Variants in SMC5 observed in about 807,000 individuals in gnomAD.
The protein encoded by SMC5 is structural maintenance of chromosomes protein 5.
In SMC5, 88 loss-of-function variants were observed where a neutral mutation model predicts 148.3. That is an observed-to-expected ratio of 0.59 (90% CI 0.50 to 0.71). The LOEUF (loss-of-function observed/expected upper bound fraction) is 0.71, where lower values mean the gene tolerates loss of function less well. Ranked by LOEUF, SMC5 falls within the 30% of genes least tolerant of loss-of-function variation. The probability of loss-of-function intolerance (pLI) is 0.00; values close to 1 mark genes in which losing one functional copy is unlikely to be tolerated. For synonymous variants in SMC5, 421 were observed against 432.8 expected, an observed-to-expected ratio of 0.97 and a Z score of 0.34; for missense variants, 1,142 against 1,298.9, an observed-to-expected ratio of 0.88 and a Z score of 1.86.
intron 13 of SMC5, among the ~76,000 whole-genome samples, chr9:70,318,241 A>G (rs1312514798): frequency 6.6e-6 from 1 of 152,106 alleles, no homozygotes; most frequent in South Asian, 2.1e-4. Flanking sequence ...TTTTTTAATT[A>G]ACCAGGCGTG....
chr9:70,331,934 G>C (rs1327822844), intron 17 of SMC5, among the ~76,000 whole-genome samples: 1 of 151,926 alleles, frequency 6.6e-6, no homozygotes, highest in African/African-American at 2.4e-5. Flanking sequence ...CTTACTGCTT[G>C]GAAAGAGTTT....
chr9:70,342,217 C>T (rs992793099), intron 17 of SMC5, among the ~76,000 whole-genome samples: 1 of 131,292 alleles, frequency 7.6e-6, no homozygotes, highest in South Asian at 2.5e-4. Flanking sequence ...GGAAGGGGAA[C>T]ATCACAGTCT....
chr9:70,335,536 T>A (rs143321800), intron 17 of SMC5, among the ~76,000 whole-genome samples: 268 of 152,126 alleles, frequency 1.8e-3, no homozygotes, highest in African/African-American at 5.8e-3. Flanking sequence ...CAGCAACACC[T>A]GAATGATTAA....
rs144726260 is a variant in SMC5 at position 70,296,036 on chromosome 9, G to A, written c.1054-1930G>A. Among the ~76,000 whole-genome samples, 597 of 152,190 alleles carry A rather than the reference G, an allele frequency of 3.9e-3. 3 individuals are homozygous for A. Among genetic ancestry groups the A allele is most frequent in the African/African-American group, 0.013 (552 of 41,514 alleles). ...GATATATTTTCTCTTGCTTCTGTATGTTTGGTTATAGGAGAGAGGATTTGG... is the reference window on the plus strand; with the variant it reads ...GATATATTTTCTCTTGCTTCTGTATATTTGGTTATAGGAGAGAGGATTTGG... On this transcript the variant is annotated intron_variant, in intron 8 of 24. Coordinates refer to ENST00000361138, the MANE Select transcript of SMC5 (RefSeq NM_015110.4).
At chr9:70,278,656 T>C (rs758826377) in intron 5 of SMC5, 31 bp downstream of exon 5, 3 of 1,572,930 alleles carry the variant, frequency 1.9e-6, no homozygotes, top group East Asian at 2.3e-5. Context: ...ATTTGTATTG[T>C]TTCTTATTGA....
chr9:70,264,323 G>A lies in SMC5; in HGVS notation c.205G>A (p.Val69Ile), dbSNP rs1426164459. Reference sequence around the variant, plus strand: ...ATTCAGAACATATGATATTTGTGAAGTATCTCCTGGACCCCACTTGAATAT... The same window carrying A: ...ATTCAGAACATATGATATTTGTGAAATATCTCCTGGACCCCACTTGAATAT... ...ENFLTYDICEVSPGPHLNMIV... is the reference protein window; with the variant it reads ...ENFLTYDICEISPGPHLNMIV... Residue 69 changes from valine (V) to isoleucine (I), a missense_variant, in exon 2 of 25, where the codon GTA becomes ATA. By Grantham distance (29) the Val-to-Ile change is conservative. Around this residue, in one of 5 missense-constraint regions of SMC5, gnomAD observed 297 missense variants for 302.6 expected, o/e 0.98. Transcript: ENST00000361138. The A allele has an allele frequency of 1.2e-6, 2 of 1,613,284 alleles. No homozygotes were observed. The highest frequency in any genetic ancestry group is 1.1e-5 in the South Asian group (1 of 90,932).
intron 3 of SMC5, among the ~76,000 whole-genome samples, chr9:70,271,444 C>G (rs1362623751): frequency 6.6e-6 from 1 of 152,154 alleles, no homozygotes; most frequent in East Asian, 1.9e-4. Context: ...AGTATACTAA[C>G]TGGCCATGTA....
intron 7 of SMC5, among the ~76,000 whole-genome samples, chr9:70,284,574 CTT>C (rs1047913977): frequency 1.7e-4 from 26 of 152,204 alleles, no homozygotes; most frequent in African/African-American, 6.3e-4. Context: ...TTTGAGATCT[CTT>C]AATTAAGGAA....
chr9:70,347,829 T>A, intron 21 of SMC5, 90 bp from the exon 22 acceptor site: 1 of 1,328,346 alleles, frequency 7.5e-7, no homozygotes, highest in Non-Finnish European at 1.0e-6. Flanking sequence ...ATGCCCAGAC[T>A]GATACTGATA....
chr9:70,259,307 G>A (rs753117565), intron 1 of SMC5, 44 bp downstream of exon 1: 8 of 1,511,502 alleles, frequency 5.3e-6, no homozygotes, highest in African/African-American at 1.4e-5. Flanking sequence ...AGGTGTGCTG[G>A]CCAGCAGGCC....
At chr9:70,325,336 G>C (rs1442807400) in intron 17 of SMC5, among the ~76,000 whole-genome samples, 1 of 152,116 alleles carries the variant, frequency 6.6e-6, no homozygotes, top group Non-Finnish European at 1.5e-5. Context: ...GTGAACTCCA[G>C]AATACAAGTG....
At chr9:70,347,508 C>A in intron 20 of SMC5, 105 bp from the exon 21 acceptor site, 1 of 622,032 alleles carries the variant, frequency 1.6e-6, no homozygotes, top group Non-Finnish European at 2.8e-6. Flanking sequence ...ACAAACAATG[C>A]AGCACAATTG....
intron 17 of SMC5, among the ~76,000 whole-genome samples, chr9:70,334,399 AAG>A (rs2036304650): frequency 6.6e-6 from 1 of 152,194 alleles, no homozygotes; most frequent in South Asian, 2.1e-4. Context: ...ATAAGAGAAA[AAG>A]AATCATTGCA....
At chr9:70,338,368 T>G (rs1225976451) in intron 17 of SMC5, among the ~76,000 whole-genome samples, 2 of 152,198 alleles carry the variant, frequency 1.3e-5, no homozygotes, top group East Asian at 3.9e-4. Flanking sequence ...TCTCTTTTTG[T>G]TCTTGTTCCT....
At chr9:70,309,053 T>A (rs1321445594) in intron 11 of SMC5, among the ~76,000 whole-genome samples, 1 of 152,176 alleles carries the variant, frequency 6.6e-6, no homozygotes, top group South Asian at 2.1e-4. Flanking sequence ...GTACATACTT[T>A]AAAAACACTT....
chr9:70,336,297 A>T (rs143454391), intron 17 of SMC5, among the ~76,000 whole-genome samples: 17 of 152,294 alleles, frequency 1.1e-4, no homozygotes, highest in African/African-American at 4.1e-4. Context: ...AAACCCTTTG[A>T]CTTAAGAAAA....
chr9:70,342,398 AAAT>A (rs1375126816), intron 17 of SMC5, among the ~76,000 whole-genome samples: 1 of 151,990 alleles, frequency 6.6e-6, no homozygotes, highest in Non-Finnish European at 1.5e-5. Context: ...AATAATAATA[AAAT>A]AATAAATAAT....
intron 2 of SMC5, among the ~76,000 whole-genome samples, chr9:70,265,542 A>G (rs1475956827): frequency 6.6e-6 from 1 of 152,236 alleles, no homozygotes; most frequent in Non-Finnish European, 1.5e-5. Context: ...TAAATGATCT[A>G]AACTCTAAAC....
intron 10 of SMC5, among the ~76,000 whole-genome samples, chr9:70,305,011 T>G (rs908537037): frequency 6.6e-6 from 1 of 152,332 alleles, no homozygotes; most frequent in South Asian, 2.1e-4. Flanking sequence ...TCTTAGATAG[T>G]ATCAAAATCA....
Sources: gnomAD v4.1 joint callset for allele counts (sites outside exome capture counted in the v4.1 genomes callset) on GRCh38, gnomAD v4.1.1 for gene constraint, gnomAD v4.1.1 regional missense constraint, MANE v1.5 for transcripts, NCBI Gene and HGNC (gene_info 2026-07-23, HGNC 2026-07-21) for gene names.